Variants in SPEF2 observed in about 807,000 individuals in gnomAD.
SPEF2 encodes sperm flagellar and cilia associated 2.
A neutral mutation model predicts 224.6 loss-of-function variants in SPEF2; 187 were observed. The observed-to-expected ratio is 0.83, with a 90% CI of 0.74 to 0.94. SPEF2 has a LOEUF of 0.94. Among genes scored for constraint, SPEF2 ranks in the 40% least tolerant of loss-of-function variants. The pLI is 0.00. For synonymous variants in SPEF2, 715 were observed against 707.3 expected, an observed-to-expected ratio of 1.01 and a Z score of -0.17; for missense variants, 2,170 against 2,135.6, an observed-to-expected ratio of 1.02 and a Z score of -0.32.
chr5:35,742,412 A>T (rs145393630), intron 23 of SPEF2, among the ~76,000 whole-genome samples: 1 of 152,074 alleles, frequency 6.6e-6, no homozygotes, highest in Non-Finnish European at 1.5e-5. Context: ...AAATTTGAAA[A>T]CTTTACACAG....
chr5:35,645,286 A>G (rs747753291), intron 4 of SPEF2, among the ~76,000 whole-genome samples: 3 of 152,170 alleles, frequency 2.0e-5, no homozygotes, highest in African/African-American at 2.4e-5. Context: ...TATATTCTGA[A>G]TGTAGTCAGC....
At chr5:35,688,909 T>C (rs1754037509) in intron 10 of SPEF2, among the ~76,000 whole-genome samples, 1 of 152,210 alleles carries the variant, frequency 6.6e-6, no homozygotes, top group African/African-American at 2.4e-5. Context: ...TAGTATTGTA[T>C]ACATGATTTG....
chr5:35,792,844 C>A (rs1467231065), intron 31 of SPEF2, among the ~76,000 whole-genome samples: 1 of 152,210 alleles, frequency 6.6e-6, no homozygotes, highest in Non-Finnish European at 1.5e-5. Context: ...AAAGCCCTTG[C>A]ACAGGCACAG....
At chr5:35,792,537 G>T (rs1756111805) in intron 31 of SPEF2, 91 bp downstream of exon 31, 2 of 1,009,478 alleles carry the variant, frequency 2.0e-6, no homozygotes, top group South Asian at 1.7e-5. Context: ...TACTTGCATA[G>T]TGTCTGACAT....
intron 5 of SPEF2, 40 bp downstream of exon 5, chr5:35,646,847 A>ACAG (rs761515360): frequency 6.2e-7 from 1 of 1,600,164 alleles, no homozygotes; most frequent in African/African-American, 1.3e-5. Flanking sequence ...TGTTTATCTT[A>ACAG]ACTAAAGAAT....
intron 30 of SPEF2, among the ~76,000 whole-genome samples, chr5:35,783,153 G>A (rs367806456): frequency 1.3e-4 from 20 of 152,266 alleles, no homozygotes; most frequent in African/African-American, 4.8e-4. Flanking sequence ...AATATTTTCT[G>A]AATTATAACA....
At chr5:35,734,342 C>T (rs959663259) in intron 21 of SPEF2, among the ~76,000 whole-genome samples, 2 of 136,656 alleles carry the variant, frequency 1.5e-5, no homozygotes, top group African/African-American at 2.7e-5. Context: ...TCAGAGTGCT[C>T]TTCCCCTAAA....
At chr5:35,805,457 T>C (rs1164181765) in intron 34 of SPEF2, among the ~76,000 whole-genome samples, 2 of 152,192 alleles carry the variant, frequency 1.3e-5, no homozygotes, top group African/African-American at 4.8e-5. Flanking sequence ...TTGATACTTC[T>C]ACTGAATTGA....
chr5:35,622,039 GTTAA>G (rs1743592104), intron 1 of SPEF2, among the ~76,000 whole-genome samples: 1 of 151,978 alleles, frequency 6.6e-6, no homozygotes, highest in Non-Finnish European at 1.5e-5. Flanking sequence ...TTTAAATAAG[GTTAA>G]TTAATATATT....
chr5:35,773,859 T>G (rs1280774683), intron 27 of SPEF2, 34 bp from the exon 28 acceptor site: 2 of 1,596,252 alleles, frequency 1.3e-6, no homozygotes, highest in South Asian at 2.3e-5. Flanking sequence ...TTGTATTTTG[T>G]TAGTTTACTC....
intron 23 of SPEF2, among the ~76,000 whole-genome samples, chr5:35,753,007 A>C (rs1002123299): frequency 6.7e-6 from 1 of 150,170 alleles, no homozygotes; most frequent in African/African-American, 2.4e-5. Context: ...AAATGCATTG[A>C]TACTGTTTAT....
At chr5:35,693,212 C>T (rs1754781210) in intron 12 of SPEF2, among the ~76,000 whole-genome samples, 1 of 152,134 alleles carries the variant, frequency 6.6e-6, no homozygotes, top group Non-Finnish European at 1.5e-5. Context: ...TCAAAGTCCC[C>T]AGTGTATAGT....
chr5:35,635,382 C>T (rs532675662), intron 2 of SPEF2, among the ~76,000 whole-genome samples: 2 of 152,202 alleles, frequency 1.3e-5, no homozygotes, highest in Admixed American at 6.5e-5. Context: ...ACCCTGAGAA[C>T]ACTAGCTGGT....
chr5:35,648,531 C>T (rs755188773), intron 5 of SPEF2, among the ~76,000 whole-genome samples: 3 of 151,890 alleles, frequency 2.0e-5, no homozygotes, highest in African/African-American at 7.3e-5. Flanking sequence ...ACTACAGGTC[C>T]GCAAGGCTGC....
intron 19 of SPEF2, 119 bp from the exon 20 acceptor site, chr5:35,712,693 A>T (rs971311280): frequency 5.4e-6 from 5 of 929,078 alleles, no homozygotes; most frequent in African/African-American, 1.7e-5. Context: ...GAGCCATTTT[A>T]TGCAGTTCAC....
At chr5:35,754,314 G>T (rs2149730811) in intron 24 of SPEF2, among the ~76,000 whole-genome samples, 1 of 152,302 alleles carries the variant, frequency 6.6e-6, no homozygotes, top group East Asian at 1.9e-4. Flanking sequence ...CGACACTATT[G>T]TCAGCAATAG....
intron 8 of SPEF2, among the ~76,000 whole-genome samples, chr5:35,659,543 T>C (rs1749422127): frequency 6.6e-6 from 1 of 152,198 alleles, no homozygotes; most frequent in South Asian, 2.1e-4. Flanking sequence ...ATGGAAACCA[T>C]ATTCCCTGAG....
chr5:35,811,521 A>G (rs1007320094), intron 36 of SPEF2, among the ~76,000 whole-genome samples: 3 of 152,074 alleles, frequency 2.0e-5, no homozygotes, highest in African/African-American at 7.2e-5. Context: ...GACTGGGTTC[A>G]TACCTATGAA....
In SPEF2 at chr5:35,666,741, G is replaced by A. The variant is rs564700284; in HGVS notation, c.1168-331G>A. On this transcript the variant is annotated intron_variant, in intron 8 of 36. Transcript: ENST00000356031. ...GGCACAAACTTGCCTGTTTCTCTCC[G>A]ATCCCTATTTGCAACCGGTGAACTC... Among the ~76,000 whole-genome samples the A allele has an allele frequency of 3.3e-4, 50 of 152,222 alleles. No homozygotes were observed. In the South Asian group the frequency reaches 9.1e-3, roughly 28 times the overall value.
Sources: allele counts gnomAD v4.1 joint callset (sites outside exome capture counted in the v4.1 genomes callset), GRCh38; gene constraint gnomAD v4.1.1; transcripts MANE v1.5; gene names NCBI Gene and HGNC (gene_info 2026-07-23, HGNC 2026-07-21).